Variants in ESRRG observed in about 807,000 individuals in gnomAD.
The protein encoded by ESRRG is estrogen-related receptor gamma.
In ESRRG, 13 loss-of-function variants were observed where a neutral mutation model predicts 44.0. The ratio of observed to expected loss-of-function variants is 0.30; its 90% CI spans 0.19 to 0.47. ESRRG has a LOEUF of 0.47. ESRRG is among the 20% of genes least tolerant of loss of function. The pLI is 1.00. For synonymous variants in ESRRG, 215 were observed against 214.6 expected, an observed-to-expected ratio of 1.00 and a Z score of -0.02; for missense variants, 395 against 580.6, an observed-to-expected ratio of 0.68 and a Z score of 3.29.
intron 2 of ESRRG, among the ~76,000 whole-genome samples, chr1:216,801,292 C>T (rs11572606): frequency 6.6e-6 from 1 of 152,080 alleles, no homozygotes; most frequent in Admixed American, 6.6e-5. Flanking sequence ...TGGACTCGAA[C>T]CCCTGTCTTC....
At chr1:216,643,065 C>T (rs899672406) in intron 3 of ESRRG, among the ~76,000 whole-genome samples, 2 of 152,140 alleles carry the variant, frequency 1.3e-5, no homozygotes, top group African/African-American at 2.4e-5. Context: ...ATAGGGTAAA[C>T]TCAGAAGACT....
chr1:216,712,137 C>T (rs1025565051), intron 1 of ESRRG, among the ~76,000 whole-genome samples: 2 of 152,116 alleles, frequency 1.3e-5, no homozygotes, highest in African/African-American at 4.8e-5. Flanking sequence ...AGACTGGAAC[C>T]TATTAAAGTC....
At chr1:216,582,930 A>T (rs2063069921) in intron 3 of ESRRG, among the ~76,000 whole-genome samples, 1 of 152,208 alleles carries the variant, frequency 6.6e-6, no homozygotes, top group African/African-American at 2.4e-5. Flanking sequence ...AAGGAGCGGA[A>T]GAAACTGCTA....
At chr1:216,592,193 AGG>A (rs559558436) in intron 3 of ESRRG, among the ~76,000 whole-genome samples, 6 of 99,310 alleles carry the variant, frequency 6.0e-5, no homozygotes, top group Non-Finnish European at 1.7e-4. Context: ...CATGAAAGTC[AGG>A]GAAAGAATGT....
intron 2 of ESRRG, among the ~76,000 whole-genome samples, chr1:216,670,807 G>T (rs2075026794): frequency 1.3e-5 from 2 of 152,146 alleles, no homozygotes; most frequent in African/African-American, 4.8e-5. Context: ...GGAGATAGAG[G>T]AGAGAGAAAG....
chr1:216,596,935 T>A (rs971886501), intron 3 of ESRRG, among the ~76,000 whole-genome samples: 1 of 151,796 alleles, frequency 6.6e-6, no homozygotes, highest in Non-Finnish European at 1.5e-5. Context: ...ATATTGGGTT[T>A]TTTTGGCCCT....
intron 1 of ESRRG, among the ~76,000 whole-genome samples, chr1:217,084,668 T>C (rs2091969987): frequency 1.3e-5 from 2 of 152,310 alleles, no homozygotes; most frequent in South Asian, 4.1e-4. Context: ...AAAATTTGTT[T>C]GTATAGGGAA....
intron 2 of ESRRG, among the ~76,000 whole-genome samples, chr1:216,744,723 A>C (rs774667088): frequency 9.2e-5 from 14 of 152,296 alleles, no homozygotes; most frequent in Admixed American, 1.3e-4. Context: ...TTTTGGCTAC[A>C]AATGTGTCCC....
intron 6 of ESRRG, among the ~76,000 whole-genome samples, chr1:216,514,816 A>G (rs2043720403): frequency 1.3e-5 from 2 of 152,150 alleles, no homozygotes; most frequent in African/African-American, 4.8e-5. Context: ...ATTCCCTAGA[A>G]GAAGCTTAAA....
chr1:217,095,215 A>G (rs2092405012), intron 1 of ESRRG, among the ~76,000 whole-genome samples: 1 of 152,250 alleles, frequency 6.6e-6, no homozygotes, highest in Non-Finnish European at 1.5e-5. Flanking sequence ...GCCACAACAC[A>G]GATAGTGTAT....
chr1:216,569,850 G>A (rs1041742428), intron 3 of ESRRG, among the ~76,000 whole-genome samples: 16 of 152,070 alleles, frequency 1.1e-4, no homozygotes, highest in African/African-American at 3.4e-4. Context: ...ATTAATATGC[G>A]ACGGGCTCTG....
intron 1 of ESRRG, among the ~76,000 whole-genome samples, chr1:217,110,847 CT>C (rs759085857): frequency 1.3e-4 from 20 of 152,114 alleles, no homozygotes; most frequent in Non-Finnish European, 2.5e-4. Context: ...CCCAACCTGG[CT>C]TATTATATTG....
At chr1:216,801,872 T>C (rs910649741) in intron 2 of ESRRG, among the ~76,000 whole-genome samples, 1 of 152,184 alleles carries the variant, frequency 6.6e-6, no homozygotes, top group African/African-American at 2.4e-5. Context: ...ATCCTGCTTA[T>C]CTGTTTTTCC....
intron 1 of ESRRG, chr1:216,714,441 G>T (rs967175314): frequency 9.0e-6 from 2 of 221,138 alleles, no homozygotes; most frequent in South Asian, 1.6e-4. Context: ...CACACTTCAG[G>T]TTATCTCAAT....
Position 216,880,304 on chromosome 1 carries a change from CAAAAA to C in ESRRG, c.-14+59273_-14+59277del, listed in dbSNP as rs11301281. 1.2e-3 allele frequency among the ~76,000 whole-genome samples: 34 copies of C among 29,026 alleles called. No homozygotes were observed. In the East Asian group the frequency reaches 0.021, roughly 18 times the overall value. The allele number at this position is 29,026 out of a possible 152,430, so 19.0% of individuals were successfully genotyped here. A position where few individuals can be genotyped will look rare whatever the true frequency, so the allele number is the denominator to read the frequency against. On this transcript the variant is annotated intron_variant, in intron 2 of 7. Coordinates refer to the ESRRG transcript ENST00000359162. ...CCTGAGCGACAACAAGCCTCCCTCT[CAAAAA>C]AAAAAAAAAAAAAAAAAAAAAAAAA...
intron 1 of ESRRG, among the ~76,000 whole-genome samples, chr1:217,127,841 AC>A (rs2092911693): frequency 6.6e-6 from 1 of 152,354 alleles, no homozygotes; most frequent in African/African-American, 2.4e-5. Flanking sequence ...TAAAAAGGAA[AC>A]ACACTAAAGC....
rs2041179456 is a variant in ESRRG at position 216,506,248 on chromosome 1, T to C, written c.*691A>G. 5.4e-6 allele frequency: 1 copy of C among 185,014 alleles called. No individual in the cohort carries two copies. The allele number at this position is 185,014 out of a possible 1,614,324, so 11.5% of individuals were successfully genotyped here. A position where few individuals can be genotyped will look rare whatever the true frequency, so the allele number is the denominator to read the frequency against. On this transcript the variant is annotated 3_prime_UTR_variant, in exon 7 of 7. Coordinates refer to ENST00000408911, the MANE Select transcript of ESRRG (RefSeq NM_001438.4). ...CTCAGTCAATTTGTATATGTTGCAC[T>C]GTACTTTTAGGAACGTTGGTTCTCT...
intron 1 of ESRRG, among the ~76,000 whole-genome samples, chr1:216,996,643 T>G (rs2076408417): frequency 6.6e-6 from 1 of 152,196 alleles, no homozygotes; most frequent in Admixed American, 6.5e-5. Flanking sequence ...CGTTGTATAT[T>G]CATAATACTG....
chr1:216,708,853 G>T (rs763213213), intron 1 of ESRRG, among the ~76,000 whole-genome samples: 1 of 152,074 alleles, frequency 6.6e-6, no homozygotes, highest in African/African-American at 2.4e-5. Flanking sequence ...AGAAAATGTG[G>T]CACATATACA....
Sources: allele counts gnomAD v4.1 joint callset (sites outside exome capture counted in the v4.1 genomes callset), GRCh38; gene constraint gnomAD v4.1.1; transcripts MANE v1.5; gene names NCBI Gene and HGNC (gene_info 2026-07-23, HGNC 2026-07-21).